SGSM3: variants seen among roughly 807,000 people sequenced by gnomAD.
SGSM3 encodes small G protein signaling modulator 3, also known as RUN and SH3 containing 3.
A neutral mutation model predicts 100.5 loss-of-function variants in SGSM3; 96 were observed. That is an observed-to-expected ratio of 0.96 (90% CI 0.81 to 1.13). The LOEUF is 1.13. SGSM3 is among the 50% of genes most tolerant of loss of function. SGSM3 has a pLI of 0.00. For synonymous variants in SGSM3, 483 were observed against 422.8 expected, an observed-to-expected ratio of 1.14 and a Z score of -1.75; for missense variants, 1,001 against 1,015.8, an observed-to-expected ratio of 0.99 and a Z score of 0.20.
chr22:40,384,757 G>A (rs1457051971), intron 1 of SGSM3, among the ~76,000 whole-genome samples: 1 of 152,162 alleles, frequency 6.6e-6, no homozygotes, highest in African/African-American at 2.4e-5. Context: ...CTCCAGCCTG[G>A]GCGACAGAGC....
chr22:40,375,229 G>T (rs1040600659), intron 1 of SGSM3, among the ~76,000 whole-genome samples: 3 of 152,118 alleles, frequency 2.0e-5, no homozygotes, highest in East Asian at 3.8e-4. Context: ...GTTTTGGGAG[G>T]TTAACTGCTT....
Position 40,407,186 on chromosome 22 carries a change from C to T in SGSM3, c.1241-15C>T. ...GGAGTGGGCTGTGGTCACCATGGTT[C>T]TCTGGGCCTCCTAGGGGAGGATGAC... On this transcript the variant is annotated splice_polypyrimidine_tract_variant and intron_variant, in intron 11 of 21. Transcript: ENST00000248929. The surrounding 1 kb of genome is among the most constrained non-coding windows in gnomAD (Gnocchi z 4.7). 1 of 1,613,444 alleles carries T rather than the reference C, an allele frequency of 6.2e-7. No individual in the cohort carries two copies. The highest frequency in any genetic ancestry group is 1.3e-5 in the African/African-American group (1 of 75,020).
chr22:40,404,648 C>G lies in SGSM3; in HGVS notation c.458C>G (p.Thr153Ser). ...EIVKNSSNDE[T>S]IAAKQIEKDL... ...GTGAAGAACAGCTCCAACGATGAGA[C>G]CATCGCTGCCAAGCAGGTGAGGCCG... The change falls in exon 6 of 22, where the codon ACC becomes AGC. Residue 153 changes from threonine (T) to serine (S), a missense_variant. Transcript: ENST00000248929. 3 of 1,610,616 alleles carry G rather than the reference C, an allele frequency of 1.9e-6. No homozygotes were observed. Among genetic ancestry groups the G allele is most frequent in the Non-Finnish European group, 2.5e-6 (3 of 1,177,588 alleles).
At chr22:40,385,028 C>T (rs2048202515) in intron 1 of SGSM3, among the ~76,000 whole-genome samples, 1 of 152,056 alleles carries the variant, frequency 6.6e-6, no homozygotes, top group Admixed American at 6.6e-5. Context: ...AAAGAAGAGG[C>T]AGTAAAGAAG....
At chr22:40,403,549 C>T (rs747290540) in intron 4 of SGSM3, among the ~76,000 whole-genome samples, 8 of 152,100 alleles carry the variant, frequency 5.3e-5, no homozygotes, top group Non-Finnish European at 8.8e-5. Flanking sequence ...AGAAGAGGGG[C>T]AGTAAATCAT....
intron 1 of SGSM3, among the ~76,000 whole-genome samples, chr22:40,389,917 A>AG (rs1491091631): frequency 5.4e-5 from 5 of 91,920 alleles, no homozygotes; most frequent in South Asian, 2.9e-4. Context: ...AAAAAAAAAG[A>AG]AAAAAAAAAA....
Position 40,408,411 on chromosome 22 carries a change from C to G in SGSM3, c.1764C>G (p.Pro588=). The part of the protein sequence containing the change: ...KPSLLGGACH[P]WLFIEEAAGR... ...CCCTGCTTGGGGGCGCCTGCCACCC[C>G]TGGCTGTTTATCGAGGAGGTAAGTC... The change falls in exon 16 of 22, where the codon CCC becomes CCG. Residue 588 remains proline (P), a synonymous_variant. Coordinates refer to ENST00000248929, the MANE Select transcript of SGSM3 (RefSeq NM_015705.6). 1.2e-6 allele frequency: 2 copies of G among 1,613,540 alleles called. No individual in the cohort carries two copies. The highest frequency in any genetic ancestry group is 1.3e-5 in the African/African-American group (1 of 75,050).
intron 1 of SGSM3, among the ~76,000 whole-genome samples, chr22:40,395,974 T>A (rs1373294744): frequency 6.6e-6 from 1 of 152,156 alleles, no homozygotes; most frequent in African/African-American, 2.4e-5. Context: ...CCACGTACAT[T>A]TTAGAGGTGT....
chr22:40,388,866 G>A (rs2048886130), intron 1 of SGSM3, among the ~76,000 whole-genome samples: 2 of 152,146 alleles, frequency 1.3e-5, no homozygotes, highest in South Asian at 2.1e-4. Context: ...GAGTGGGTAG[G>A]TAGGTCGTAA....
rs533738501 is a variant in SGSM3, at chr22:40,376,783, G to GT, written c.-112+6103dup. 5.5e-4 allele frequency among the ~76,000 whole-genome samples: 84 copies of GT among 151,730 alleles called. 1 individual carries two copies. In the South Asian group the frequency reaches 0.015, roughly 27 times the overall value. On this transcript the variant is annotated intron_variant, in intron 1 of 21. Transcript: ENST00000248929. The stretch of plus-strand genomic sequence containing the variant: ...ATAATCTCCACCTTCATAGTTTTTT[G>GT]TTTTTTTTAATTTAGCATATAATCA...
chr22:40,384,988 G>A (rs1051554373), intron 1 of SGSM3, among the ~76,000 whole-genome samples: 7 of 152,194 alleles, frequency 4.6e-5, no homozygotes, highest in African/African-American at 1.7e-4. Flanking sequence ...GAAGACTGAT[G>A]TGGGGAATGT....
chr22:40,406,534 G>C lies in SGSM3; in HGVS notation c.1057G>C (p.Val353Leu). ...GGAGGACGCGGAGCTGCTTCTGGGGGTGGCCATGCGGCTGGCCGGCTCCCT... is the reference window on the plus strand; with the variant it reads ...GGAGGACGCGGAGCTGCTTCTGGGGCTGGCCATGCGGCTGGCCGGCTCCCT... The part of the protein sequence containing the change: ...QMEDAELLLG[V>L]AMRLAGSLTD... Residue 353 changes from valine to leucine, a missense_variant, in exon 10 of 22, where the codon GTG (valine) becomes CTG (leucine). By Grantham distance (32) the Val-to-Leu change is conservative (BLOSUM62 1). Transcript: ENST00000248929. 1 of 1,613,136 alleles carries C rather than the reference G, an allele frequency of 6.2e-7. No homozygotes were observed.
rs530821122 is a variant in SGSM3 at position 40,407,914 on chromosome 22, T to C, written c.1579+71T>C. On this transcript the variant is annotated intron_variant, in intron 14 of 21. Coordinates refer to ENST00000248929, the MANE Select transcript of SGSM3 (RefSeq NM_015705.6). The surrounding 1 kb of genome is among the most constrained non-coding windows in gnomAD (Gnocchi z 4.7). ...TGGGCACAGAAGACTTGGGTGACCC[T>C]GGCCGCCACCAAGCTGTTCTCCTCT... is the stretch of plus-strand genomic sequence containing the variant. 139 of 1,507,880 alleles carry C rather than the reference T, an allele frequency of 9.2e-5. No homozygotes were observed. Among genetic ancestry groups the C allele is most frequent in the Non-Finnish European group, 1.2e-4 (133 of 1,103,128 alleles). 93.4% of individuals were successfully genotyped at this position (1,507,880 alleles called of 1,614,324 possible).
intron 9 of SGSM3, 49 bp downstream of exon 9, chr22:40,406,272 G>A (rs1472774872): frequency 1.2e-6 from 2 of 1,606,962 alleles, no homozygotes; most frequent in African/African-American, 1.3e-5. Flanking sequence ...CCGAGATGGG[G>A]GGCAGGGGAG....
At position 40,407,160 on chromosome 22, in the gene SGSM3, T is replaced by A; in HGVS notation, c.1241-41T>A. On this transcript the variant is annotated intron_variant, in intron 11 of 21. Coordinates refer to ENST00000248929, the MANE Select transcript of SGSM3 (RefSeq NM_015705.6). This position sits in a 1 kb window ranked among gnomAD's most constrained non-coding sequence, Gnocchi z 4.7. The stretch of plus-strand genomic sequence containing the variant: ...ACGTGGAGCTTCCTCCTCGGGGGCC[T>A]GGAGTGGGCTGTGGTCACCATGGTT... 1 of 1,612,584 alleles carries A rather than the reference T, an allele frequency of 6.2e-7. No homozygotes were observed. Among genetic ancestry groups the A allele is most frequent in the South Asian group, 1.1e-5 (1 of 91,036 alleles).
Position 40,410,152 on chromosome 22 carries a change from T to C in SGSM3, c.*393T>C. On this transcript the variant is annotated 3_prime_UTR_variant, in exon 22 of 22. Transcript: ENST00000248929. ...TGCAGCTAGGGCTGCAGAGCTGTAT[T>C]CAGGTCCAAGGTTCTGCCCTTCCTT... 9.0e-7 allele frequency: 1 copy of C among 1,106,210 alleles called. No homozygotes were observed. Among genetic ancestry groups the C allele is most frequent in the Non-Finnish European group, 1.1e-6 (1 of 907,598 alleles). The allele number at this position is 1,106,210 out of a possible 1,614,324, so 68.5% of individuals were successfully genotyped here.
At chr22:40,371,961 A>G (rs902999438) in intron 1 of SGSM3, among the ~76,000 whole-genome samples, 1 of 152,058 alleles carries the variant, frequency 6.6e-6, no homozygotes, top group Non-Finnish European at 1.5e-5. Flanking sequence ...GGGCCTCCCA[A>G]AGTGCTGGGA....
Position 40,409,859 on chromosome 22 carries a change from G to T in SGSM3, c.*100G>T, listed in dbSNP as rs992202304. On this transcript the variant is annotated 3_prime_UTR_variant, in exon 22 of 22. Coordinates refer to ENST00000248929, the MANE Select transcript of SGSM3 (RefSeq NM_015705.6). ...GAGCAGCTCCAGAGCCCTGGCCGGGGCCGCGGGATATCAATATCAGGCTGC... is the reference window on the plus strand; with the variant it reads ...GAGCAGCTCCAGAGCCCTGGCCGGGTCCGCGGGATATCAATATCAGGCTGC... 4.2e-5 allele frequency: 62 copies of T among 1,487,354 alleles called. No individual in the cohort carries two copies. The highest frequency in any genetic ancestry group is 2.5e-4 in the Middle Eastern group (1 of 4,042). The allele number at this position is 1,487,354 out of a possible 1,614,324, so 92.1% of individuals were successfully genotyped here.
Position 40,405,223 on chromosome 22 carries a change from G to C in SGSM3, c.557G>C (p.Arg186Thr). ...AGCATCGGGGTGCCCCGCCTGCGCA[G>C]GGTGCTCCGGGCCCTGGCCTGGCTC... ...MGSIGVPRLR[R>T]VLRALAWLYP... The change falls in exon 7 of 22, where the codon AGG becomes ACG. Residue 186 changes from arginine (R) to threonine (T), a missense_variant. By Grantham distance (71) the Arg-to-Thr change is moderately conservative. Transcript: ENST00000248929. 2 of 1,581,098 alleles carry C rather than the reference G, an allele frequency of 1.3e-6. No homozygotes were observed. The highest frequency in any genetic ancestry group is 8.6e-7 in the Non-Finnish European group (1 of 1,162,910).
Sources: allele counts gnomAD v4.1 joint callset (sites outside exome capture counted in the v4.1 genomes callset), GRCh38; gene constraint gnomAD v4.1.1; non-coding constraint Gnocchi (gnomAD v3.1); transcripts MANE v1.5; gene names NCBI Gene and HGNC (gene_info 2026-07-23, HGNC 2026-07-21).